The following CNTNAP2 variants were observed in gnomAD, a reference collection of about 807,000 sequenced individuals.
CNTNAP2 encodes the protein contactin-associated protein-like 2.
Under a neutral mutation model 155.2 loss-of-function variants are expected in CNTNAP2, and 98 were observed. The ratio of observed to expected loss-of-function variants is 0.63; its 90% CI spans 0.54 to 0.75. The LOEUF is 0.75. Among genes scored for constraint, CNTNAP2 ranks in the 30% least tolerant of loss-of-function variants. The pLI is 0.00. For synonymous variants in CNTNAP2, 651 were observed against 631.2 expected (o/e 1.03, Z -0.47); for missense variants, 1,727 against 1,688.1 (o/e 1.02, Z -0.40).
chr7:147,678,718 G>C (rs138670348), intron 13 of CNTNAP2, among the ~76,000 whole-genome samples: 2,489 of 151,992 alleles, frequency 0.016, 221 homozygotes, highest in Admixed American at 0.15. Context: ...TTAGGTAAAA[G>C]TGCTAATTAG....
chr7:146,426,408 T>TACACAC (rs1315894440), intron 1 of CNTNAP2, among the ~76,000 whole-genome samples: 4 of 136,586 alleles, frequency 2.9e-5, no homozygotes, highest in South Asian at 4.4e-4. Context: ...TATATATATA[T>TACACAC]ACACACACAC....
intron 9 of CNTNAP2, among the ~76,000 whole-genome samples, chr7:147,358,466 T>C (rs1263360199): frequency 1.3e-5 from 2 of 152,154 alleles, no homozygotes; most frequent in African/African-American, 4.8e-5. Context: ...AATCATTATA[T>C]GCTCATTGAG....
At chr7:146,504,447 A>G (rs1188352003) in intron 1 of CNTNAP2, among the ~76,000 whole-genome samples, 2 of 152,308 alleles carry the variant, frequency 1.3e-5, no homozygotes, top group African/African-American at 4.8e-5. Flanking sequence ...CATTCCCAAA[A>G]CAGCACAGAT....
At chr7:147,861,114 A>G (rs1408218043) in intron 13 of CNTNAP2, among the ~76,000 whole-genome samples, 1 of 152,130 alleles carries the variant, frequency 6.6e-6, no homozygotes, top group African/African-American at 2.4e-5. Flanking sequence ...AAGGATTTTC[A>G]CCTCATCTGA....
intron 1 of CNTNAP2, among the ~76,000 whole-genome samples, chr7:146,605,943 T>A (rs556154228): frequency 2.6e-4 from 40 of 152,308 alleles, no homozygotes; most frequent in African/African-American, 8.4e-4. Flanking sequence ...AAGATTTCCA[T>A]TGACTTGAGA....
rs768859093 is a variant in CNTNAP2, at chr7:148,172,453, A to G, written c.2985A>G (p.Ala995=). The stretch of plus-strand genomic sequence containing the variant: ...ACTCCTGCGATTGCTCTAATACTGC[A>G]TATGATGGAACATTTTGCAACAAAG... ...HGYSCDCSNT[A]YDGTFCNKDV... is the part of the protein sequence containing the mutation. The change falls in exon 18 of 24, where the codon GCA becomes GCG. Residue 995 remains alanine, a synonymous_variant. Coordinates refer to ENST00000361727, the MANE Select transcript of CNTNAP2 (RefSeq NM_014141.6). 1.1e-5 allele frequency: 17 copies of G among 1,614,104 alleles called. No homozygotes were observed. Among genetic ancestry groups the G allele is most frequent in the East Asian group, 4.5e-5 (2 of 44,906 alleles).
At chr7:146,685,070 A>T (rs535415498) in intron 1 of CNTNAP2, among the ~76,000 whole-genome samples, 1 of 152,132 alleles carries the variant, frequency 6.6e-6, no homozygotes, top group Admixed American at 6.5e-5. Flanking sequence ...AACAAGAATG[A>T]TGCACAGGTA....
chr7:146,146,376 G>A (rs796245858), intron 1 of CNTNAP2, among the ~76,000 whole-genome samples: 13 of 152,126 alleles, frequency 8.5e-5, no homozygotes, highest in East Asian at 7.7e-4. Context: ...TAGGAAGTTC[G>A]CCATTTATTG....
intron 10 of CNTNAP2, among the ~76,000 whole-genome samples, chr7:147,414,959 A>G (rs941264493): frequency 3.6e-4 from 54 of 150,586 alleles, no homozygotes; most frequent in Non-Finnish European, 4.3e-4. Flanking sequence ...AAAAAAAAAA[A>G]AAAAGAAAAG....
intron 3 of CNTNAP2, among the ~76,000 whole-genome samples, chr7:146,946,240 A>T (rs1290803327): frequency 1.3e-5 from 2 of 151,790 alleles, no homozygotes; most frequent in East Asian, 3.9e-4. Context: ...TGACTGCTTG[A>T]GTCTAAATCT....
At chr7:147,070,112 C>T (rs1799861177) in intron 4 of CNTNAP2, among the ~76,000 whole-genome samples, 1 of 152,110 alleles carries the variant, frequency 6.6e-6, no homozygotes. Context: ...TCTTTTCAAC[C>T]AGAAACAAAA....
At chr7:148,022,314 G>T (rs533683485) in intron 15 of CNTNAP2, among the ~76,000 whole-genome samples, 7 of 151,874 alleles carry the variant, frequency 4.6e-5, no homozygotes, top group Admixed American at 6.6e-5. Flanking sequence ...CTAAAAACAC[G>T]AAAAATTAGC....
At chr7:147,592,572 C>A (rs1275322109) in intron 12 of CNTNAP2, among the ~76,000 whole-genome samples, 1 of 150,300 alleles carries the variant, frequency 6.7e-6, no homozygotes, top group Non-Finnish European at 1.5e-5. Flanking sequence ...TATGAAATAT[C>A]CCATGACCCA....
At chr7:146,186,948 A>G (rs1798632803) in intron 1 of CNTNAP2, among the ~76,000 whole-genome samples, 1 of 152,196 alleles carries the variant, frequency 6.6e-6, no homozygotes, top group African/African-American at 2.4e-5. Flanking sequence ...AGGGCCAGAA[A>G]TCAGTCTCTT....
At chr7:147,149,351 T>A (rs1801779245) in intron 8 of CNTNAP2, among the ~76,000 whole-genome samples, 1 of 152,210 alleles carries the variant, frequency 6.6e-6, no homozygotes, top group Admixed American at 6.5e-5. Flanking sequence ...AGACACAGAA[T>A]GCTGACTGGT....
chr7:146,470,436 C>G (rs1037214438), intron 1 of CNTNAP2, among the ~76,000 whole-genome samples: 14 of 152,190 alleles, frequency 9.2e-5, no homozygotes, highest in Non-Finnish European at 1.6e-4. Context: ...CTCCCACTAC[C>G]TGATACGTCC....
rs1382356641 is a variant in CNTNAP2, at chr7:146,856,289, GATAGATAGATAC to G, written c.402+16389_402+16400del. 4.7e-3 allele frequency among the ~76,000 whole-genome samples: 303 copies of G among 64,364 alleles called. 1 individual carries two copies. The highest frequency in any genetic ancestry group is 0.011 in the East Asian group (31 of 2,716). 42.2% of individuals were successfully genotyped at this position (64,364 alleles called of 152,430 possible). A position where few individuals can be genotyped will look rare whatever the true frequency, so the allele number is the denominator to read the frequency against. On this transcript the variant is annotated intron_variant, in intron 3 of 23. Transcript: ENST00000361727. ...AGATAGATAGATAGATAGATAGATA[GATAGATAGATAC>G]ATACATACATACATACATACATACA...
chr7:146,653,474 TA>T (rs1167839396), intron 1 of CNTNAP2, among the ~76,000 whole-genome samples: 1 of 152,200 alleles, frequency 6.6e-6, no homozygotes, highest in Non-Finnish European at 1.5e-5. Context: ...TCTCTATGTT[TA>T]ATAACAATAG....
chr7:148,110,606 T>C (rs1167478184), intron 15 of CNTNAP2, among the ~76,000 whole-genome samples: 1 of 152,094 alleles, frequency 6.6e-6, no homozygotes, highest in African/African-American at 2.4e-5. Context: ...TAAAGGAAAA[T>C]CTGTAAGTCC....
Sources: allele counts gnomAD v4.1 joint callset (sites outside exome capture counted in the v4.1 genomes callset), GRCh38; gene constraint gnomAD v4.1.1; transcripts MANE v1.5; gene names NCBI Gene and HGNC (gene_info 2026-07-23, HGNC 2026-07-21).